Variants in DIP2C observed in about 807,000 individuals in gnomAD.
The protein encoded by DIP2C is disco-interacting protein 2 homolog C.
DIP2C carries 33 observed loss-of-function variants against 192.4 expected under a neutral mutation model. That is an observed-to-expected ratio of 0.17 (90% confidence interval 0.13 to 0.23). DIP2C has a LOEUF of 0.23. Among genes scored for constraint, DIP2C ranks in the 10% least tolerant of loss-of-function variants. The pLI, the probability that DIP2C is intolerant of heterozygous loss-of-function variation, is 1.00. For missense variants in DIP2C, 1,537 were observed against 2,110.1 expected (o/e 0.73, Z 5.32); for synonymous variants, 979 against 864.1 (o/e 1.13, Z -2.33).
chr10:404,841 T>C (rs1327599290), intron 9 of DIP2C, among the ~76,000 whole-genome samples: 1 of 152,236 alleles, frequency 6.6e-6, no homozygotes, highest in Non-Finnish European at 1.5e-5. Context: ...CCACAACCAA[T>C]TATTTCTTCA....
At position 487,567 on chromosome 10, in the gene DIP2C, G is replaced by GTTTTTTTTT. The variant is rs71376836; in HGVS notation, c.86-1046_86-1038dup. Among the ~76,000 whole-genome samples, 3 of 54,164 alleles carry GTTTTTTTTT rather than the reference G, an allele frequency of 5.5e-5. 1 individual carries two copies. The highest frequency in any genetic ancestry group is 3.4e-4 in the Admixed American group (1 of 2,940). 35.5% of individuals were successfully genotyped at this position (54,164 alleles called of 152,430 possible). A position where few individuals can be genotyped will look rare whatever the true frequency, so the allele number is the denominator to read the frequency against. Reference sequence around the variant, plus strand: ...AACCCGCATCCGCCCATCAATGAGTGTTTTTTTTTTTTTTTTTTTTTTTTT... The same window carrying GTTTTTTTTT: ...AACCCGCATCCGCCCATCAATGAGTGTTTTTTTTTTTTTTTTTTTTTTTTTTTTTTTTTT... On this transcript the variant is annotated intron_variant, in intron 1 of 36. Coordinates refer to ENST00000280886, the MANE Select transcript of DIP2C (RefSeq NM_014974.3).
chr10:545,173 T>TCC (rs1848220396), intron 1 of DIP2C, among the ~76,000 whole-genome samples: 2 of 141,518 alleles, frequency 1.4e-5, no homozygotes, highest in African/African-American at 5.4e-5. Context: ...TCCCTTTTTT[T>TCC]TTTTTTTTTT....
intron 1 of DIP2C, among the ~76,000 whole-genome samples, chr10:625,443 G>A (rs547786854): frequency 2.0e-5 from 3 of 152,268 alleles, no homozygotes; most frequent in South Asian, 2.1e-4. Flanking sequence ...ACAGGCTTAC[G>A]CTTTCTGCTC....
At chr10:395,977 T>G (rs1963957594) in intron 10 of DIP2C, among the ~76,000 whole-genome samples, 1 of 152,118 alleles carries the variant, frequency 6.6e-6, no homozygotes, top group Non-Finnish European at 1.5e-5. Flanking sequence ...CATCCCCATG[T>G]GGACCCTGCC....
chr10:494,306 G>A (rs1476186308), intron 1 of DIP2C, among the ~76,000 whole-genome samples: 2 of 152,224 alleles, frequency 1.3e-5, no homozygotes, highest in East Asian at 1.9e-4. Context: ...TCTGTCAACA[G>A]AGCTCCATGG....
chr10:621,571 AGAG>A (rs1432904021), intron 1 of DIP2C, among the ~76,000 whole-genome samples: 1 of 152,202 alleles, frequency 6.6e-6, no homozygotes, highest in East Asian at 1.9e-4. Context: ...ACAGAGAGGA[AGAG>A]GAGGAGGAGG....
rs554491507 is a variant in DIP2C at position 508,313 on chromosome 10, C to T, written c.86-21783G>A. Reference sequence around the variant, plus strand: ...ATCTCCGGTGCCCGTGCAGCCTGGGCGCAGATCCACAGGCTCAGAGTGCCC... The same window carrying T: ...ATCTCCGGTGCCCGTGCAGCCTGGGTGCAGATCCACAGGCTCAGAGTGCCC... On this transcript the variant is annotated intron_variant, in intron 1 of 36. Coordinates refer to ENST00000280886, the MANE Select transcript of DIP2C (RefSeq NM_014974.3). Among the ~76,000 whole-genome samples the T allele has an allele frequency of 1.4e-3, 219 of 152,312 alleles. 1 individual carries two copies. The highest frequency in any genetic ancestry group is 5.0e-3 in the African/African-American group (206 of 41,580).
At chr10:481,695 C>A (rs925089607) in intron 2 of DIP2C, among the ~76,000 whole-genome samples, 19 of 152,334 alleles carry the variant, frequency 1.2e-4, no homozygotes, top group African/African-American at 4.6e-4. Flanking sequence ...GGAAGGTCTC[C>A]GGTGCCTGTT....
intron 31 of DIP2C, among the ~76,000 whole-genome samples, chr10:316,749 T>C (rs1416951452): frequency 1.3e-5 from 2 of 152,198 alleles, no homozygotes. Context: ...TCAGAGAAAA[T>C]GCATCCACTT....
chr10:496,577 C>T (rs1844853276), intron 1 of DIP2C, among the ~76,000 whole-genome samples: 1 of 151,264 alleles, frequency 6.6e-6, no homozygotes, highest in Non-Finnish European at 1.5e-5. Context: ...ACACATGGTG[C>T]CCTCCTGTGT....
intron 1 of DIP2C, among the ~76,000 whole-genome samples, chr10:647,826 A>C (rs1227914346): frequency 6.8e-5 from 10 of 147,938 alleles, no homozygotes; most frequent in African/African-American, 2.3e-4. Flanking sequence ...AACAGAGGGA[A>C]ACTGAGTCCA....
chr10:530,674 A>AAG (rs33927871), intron 1 of DIP2C, among the ~76,000 whole-genome samples: 1 of 148,836 alleles, frequency 6.7e-6, no homozygotes, highest in Non-Finnish European at 1.5e-5. Context: ...AAAAAAAAAA[A>AAG]GACTGTTACT....
intron 2 of DIP2C, among the ~76,000 whole-genome samples, chr10:474,453 C>A (rs1450303590): frequency 6.6e-6 from 1 of 152,232 alleles, no homozygotes; most frequent in South Asian, 2.1e-4. Context: ...CGATCAAACA[C>A]TGACAACCTG....
intron 1 of DIP2C, among the ~76,000 whole-genome samples, chr10:514,397 A>G (rs1336737613): frequency 1.3e-5 from 2 of 152,188 alleles, no homozygotes; most frequent in Non-Finnish European, 2.9e-5. Context: ...CACCATTCAC[A>G]GGGTGCTGGC....
intron 3 of DIP2C, among the ~76,000 whole-genome samples, chr10:466,728 C>T (rs539783362): frequency 2.0e-5 from 3 of 151,758 alleles, no homozygotes; most frequent in African/African-American, 7.3e-5. Flanking sequence ...GGGCAAAGGA[C>T]ATGAACAGAC....
At chr10:618,384 T>TC (rs1222180797) in intron 1 of DIP2C, among the ~76,000 whole-genome samples, 1 of 152,200 alleles carries the variant, frequency 6.6e-6, no homozygotes, top group Non-Finnish European at 1.5e-5. Flanking sequence ...TGACATGGCC[T>TC]CGTCCCAGGC....
At chr10:622,272 GGGGAGGGAGGAGGGGGA>G (rs1279048800) in intron 1 of DIP2C, among the ~76,000 whole-genome samples, 18 of 125,198 alleles carry the variant, frequency 1.4e-4, no homozygotes, top group African/African-American at 2.1e-4. Flanking sequence ...GAGGGAGGAG[GGGGAGGGAGGAGGGGGA>G]GGGAGGGAGG....
intron 1 of DIP2C, among the ~76,000 whole-genome samples, chr10:558,600 G>A (rs182691047): frequency 3.3e-5 from 5 of 152,214 alleles, no homozygotes; most frequent in East Asian, 3.9e-4. Flanking sequence ...CCACCATCGC[G>A]TCTCGGGGAA....
At chr10:410,623 A>G (rs568940669) in intron 8 of DIP2C, among the ~76,000 whole-genome samples, 1 of 152,370 alleles carries the variant, frequency 6.6e-6, no homozygotes, top group East Asian at 1.9e-4. Flanking sequence ...AACAATTACA[A>G]TCAATTCTTT....
Sources: gnomAD v4.1 joint callset for allele counts (sites outside exome capture counted in the v4.1 genomes callset) on GRCh38, gnomAD v4.1.1 for gene constraint, MANE v1.5 for transcripts, NCBI Gene and HGNC (gene_info 2026-07-23, HGNC 2026-07-21) for gene names.